Variants in PRDM16 observed in about 807,000 individuals in gnomAD.
The protein encoded by PRDM16 is histone-lysine N-methyltransferase PRDM16.
PRDM16 carries 23 observed loss-of-function variants against 110.6 expected under a neutral mutation model. The ratio of observed to expected loss-of-function variants is 0.21; its 90% CI spans 0.15 to 0.29. The LOEUF is 0.29. Ranked by LOEUF, PRDM16 falls within the 10% of genes least tolerant of loss-of-function variation. The pLI, the probability that PRDM16 is intolerant of heterozygous loss-of-function variation, is 1.00. For missense variants in PRDM16, 1,615 were observed against 1,794.3 expected, an observed-to-expected ratio of 0.90 and a Z score of 1.81; for synonymous variants, 799 against 781.8, an observed-to-expected ratio of 1.02 and a Z score of -0.37.
intron 3 of PRDM16, among the ~76,000 whole-genome samples, chr1:3,277,761 A>ACGCGCGCG (rs1640621102): frequency 7.0e-6 from 1 of 142,326 alleles, no homozygotes; most frequent in African/African-American, 2.9e-5. Flanking sequence ...ACACATGCAC[A>ACGCGCGCG]CACGCGCACA....
intron 1 of PRDM16, among the ~76,000 whole-genome samples, chr1:3,125,264 C>T (rs937340531): frequency 1.3e-5 from 2 of 152,268 alleles, no homozygotes; most frequent in African/African-American, 2.4e-5. Flanking sequence ...TCTTAGCGGA[C>T]GGCCCAGCCC....
intron 1 of PRDM16, among the ~76,000 whole-genome samples, chr1:3,091,248 A>G (rs561086978): frequency 4.5e-4 from 68 of 152,338 alleles, no homozygotes; most frequent in African/African-American, 1.6e-3. Flanking sequence ...AGGCTCTCTG[A>G]AACCCAGGGT....
chr1:3,078,440 C>G (rs567729209), intron 1 of PRDM16, among the ~76,000 whole-genome samples: 127 of 152,308 alleles, frequency 8.3e-4, no homozygotes, highest in African/African-American at 2.9e-3. Flanking sequence ...AGCCAGAATC[C>G]AACCAACAGC....
chr1:3,297,417 G>A (rs566786031), intron 3 of PRDM16, among the ~76,000 whole-genome samples: 1 of 151,834 alleles, frequency 6.6e-6, no homozygotes, highest in African/African-American at 2.4e-5. Context: ...CTGAGTAGCT[G>A]GGACCTCAGG....
At chr1:3,109,833 CA>C (rs1186878514) in intron 1 of PRDM16, among the ~76,000 whole-genome samples, 2 of 152,234 alleles carry the variant, frequency 1.3e-5, no homozygotes, top group African/African-American at 4.8e-5. Context: ...GTGTGTTTTT[CA>C]GGGGAAGCTC....
At chr1:3,408,497 T>C (rs114304418) in intron 8 of PRDM16, among the ~76,000 whole-genome samples, 6,429 of 152,238 alleles carry the variant, frequency 0.042, 218 homozygotes, top group African/African-American at 0.1. Flanking sequence ...TGTGTGAGTG[T>C]GGGCGCGTGC....
chr1:3,376,584 A>G (rs1191847983), intron 3 of PRDM16, among the ~76,000 whole-genome samples: 1 of 152,186 alleles, frequency 6.6e-6, no homozygotes, highest in African/African-American at 2.4e-5. Flanking sequence ...CTTCTTCCAG[A>G]GACAAGCCCC....
intron 3 of PRDM16, among the ~76,000 whole-genome samples, chr1:3,343,660 G>A (rs1056450075): frequency 6.6e-6 from 1 of 151,924 alleles, no homozygotes; most frequent in South Asian, 2.1e-4. Context: ...TTGAGATGGA[G>A]TCTCGCTCTG....
intron 1 of PRDM16, among the ~76,000 whole-genome samples, chr1:3,159,127 C>T (rs1274633276): frequency 6.6e-6 from 1 of 152,216 alleles, no homozygotes; most frequent in Non-Finnish European, 1.5e-5. Flanking sequence ...CCGCCAGGGA[C>T]AGCCTTGAGA....
intron 3 of PRDM16, among the ~76,000 whole-genome samples, chr1:3,365,077 G>A (rs1642785936): frequency 6.6e-6 from 1 of 152,200 alleles, no homozygotes; most frequent in South Asian, 2.1e-4. Context: ...GGACCCACTC[G>A]GCCAGTGGGC....
At position 3,080,959 on chromosome 1, in the gene PRDM16, G is replaced by A. The variant is rs545377692; in HGVS notation, c.37+11663G>A. On this transcript the variant is annotated intron_variant, in intron 1 of 16. Transcript: ENST00000270722. The surrounding 1 kb of genome is among the most constrained non-coding windows in gnomAD (Gnocchi z 5.2). ...GTGTGTGTAGAGGGGGTGGCGGGGC[G>A]GGGGGGGTCTGCACATTCCGCCGAG... Among the ~76,000 whole-genome samples, 73 of 150,962 alleles carry A rather than the reference G, an allele frequency of 4.8e-4. No homozygotes were observed. Among genetic ancestry groups the A allele is most frequent in the Non-Finnish European group, 7.8e-4 (53 of 67,644 alleles).
chr1:3,413,402 C>T (rs889748917), intron 9 of PRDM16, among the ~76,000 whole-genome samples: 5 of 152,098 alleles, frequency 3.3e-5, no homozygotes, highest in African/African-American at 1.2e-4. Flanking sequence ...GTTTTCTAGG[C>T]ACCAGTGTCC....
chr1:3,154,812 A>G (rs1174011928), intron 1 of PRDM16, among the ~76,000 whole-genome samples: 1 of 152,204 alleles, frequency 6.6e-6, no homozygotes, highest in Non-Finnish European at 1.5e-5. Context: ...AGCAAGTATA[A>G]AAACTGCTAG....
At chr1:3,389,066 G>A (rs975602568) in intron 4 of PRDM16, among the ~76,000 whole-genome samples, 8 of 152,174 alleles carry the variant, frequency 5.3e-5, no homozygotes, top group Non-Finnish European at 1.0e-4. Context: ...CACTGACCAC[G>A]TGTCCCTCTC....
At chr1:3,285,643 C>T (rs1187452651) in intron 3 of PRDM16, among the ~76,000 whole-genome samples, 3 of 152,204 alleles carry the variant, frequency 2.0e-5, no homozygotes, top group South Asian at 2.1e-4. Context: ...GAGCCCAGGG[C>T]GTGCTTGAGC....
intron 3 of PRDM16, among the ~76,000 whole-genome samples, chr1:3,371,196 TCCATCCATCCAC>T (rs1187160212): frequency 2.3e-4 from 24 of 103,970 alleles, no homozygotes; most frequent in African/African-American, 8.3e-4. Flanking sequence ...CATCCATCCA[TCCATCCATCCAC>T]CCACCCACCC....
At chr1:3,286,766 A>G (rs1640853251) in intron 3 of PRDM16, among the ~76,000 whole-genome samples, 1 of 152,176 alleles carries the variant, frequency 6.6e-6, no homozygotes, top group Admixed American at 6.5e-5. Flanking sequence ...GAGACCTGCA[A>G]GCCTCACTCG....
intron 1 of PRDM16, among the ~76,000 whole-genome samples, chr1:3,181,248 T>G (rs1344403427): frequency 2.9e-5 from 4 of 138,758 alleles, no homozygotes; most frequent in African/African-American, 1.1e-4. Flanking sequence ...ACACACAGTC[T>G]TACACACGCA....
At position 3,265,198 on chromosome 1, in the gene PRDM16, G is replaced by A. The variant is rs1557566974; in HGVS notation, c.438+21061G>A. ...AGGGTGGTGGACAGGGATGAGACAG[G>A]AGCAGGGCTCTGGGTCCGGAGAAAT... is the stretch of plus-strand genomic sequence containing the variant. On this transcript the variant is annotated intron_variant, in intron 3 of 16. Transcript: ENST00000270722. This position sits in a 1 kb window ranked among gnomAD's most constrained non-coding sequence, Gnocchi z 4.5. Among the ~76,000 whole-genome samples the A allele has an allele frequency of 3.3e-5, 5 of 152,146 alleles. No homozygotes were observed. The highest frequency in any genetic ancestry group is 6.5e-5 in the Admixed American group (1 of 15,284).
Sources: allele counts gnomAD v4.1 joint callset (sites outside exome capture counted in the v4.1 genomes callset), GRCh38; gene constraint gnomAD v4.1.1; non-coding constraint Gnocchi (gnomAD v3.1); transcripts MANE v1.5; gene names NCBI Gene and HGNC (gene_info 2026-07-23, HGNC 2026-07-21).